The following TRARG1 variants were observed in gnomAD, a reference collection of about 807,000 sequenced individuals.
TRARG1 encodes trafficking regulator of GLUT4 1.
In TRARG1, 16 loss-of-function variants were observed where a neutral mutation model predicts 13.3. The ratio of observed to expected loss-of-function variants is 1.20; its 90% confidence interval spans 0.81 to 1.83. The LOEUF (loss-of-function observed/expected upper bound fraction) is 1.83, where lower values mean the gene tolerates loss of function less well. Among genes scored for constraint, TRARG1 ranks in the 40% most tolerant of loss-of-function variants. The probability of loss-of-function intolerance (pLI) is 0.00; values close to 1 mark genes in which losing one functional copy is unlikely to be tolerated. For synonymous variants in TRARG1, 113 were observed against 106.2 expected (o/e 1.06, Z -0.39); for missense variants, 250 against 237.4 (o/e 1.05, Z -0.35).
chr17:1,296,690 T>C (rs1475562874), intron 2 of TRARG1, among the ~76,000 whole-genome samples: 1 of 152,050 alleles, frequency 6.6e-6, no homozygotes. Flanking sequence ...TTTGTATTTT[T>C]AGTAGAGATG....
intron 1 of TRARG1, among the ~76,000 whole-genome samples, chr17:1,281,986 G>GCACATGTGTACATATA (rs1442901485): frequency 4.8e-5 from 6 of 124,038 alleles, no homozygotes; most frequent in East Asian, 5.9e-4. Flanking sequence ...GTACATATAT[G>GCACATGTGTACATATA]TACATATATA....
At chr17:1,281,005 G>C (rs541253513) in intron 1 of TRARG1, among the ~76,000 whole-genome samples, 1 of 152,324 alleles carries the variant, frequency 6.6e-6, no homozygotes, top group African/African-American at 2.4e-5. Context: ...CCACAGCTAC[G>C]CTGACTTCAG....
chr17:1,295,452 CTTCCCGG>C, intron 1 of TRARG1, 32 bp from the exon 2 acceptor site: 1 of 1,555,436 alleles, frequency 6.4e-7, no homozygotes, highest in Non-Finnish European at 8.7e-7. Flanking sequence ...GACCCACAGC[CTTCCCGG>C]TTCCCGGGGT....
At chr17:1,293,232 C>T (rs113689916) in intron 1 of TRARG1, among the ~76,000 whole-genome samples, 2,685 of 142,414 alleles carry the variant, frequency 0.019, 36 homozygotes, top group Middle Eastern at 0.06. Context: ...TGCAGTGAAC[C>T]GAGATTGCGC....
chr17:1,290,206 A>G (rs774721859), intron 1 of TRARG1, among the ~76,000 whole-genome samples: 1 of 152,212 alleles, frequency 6.6e-6, no homozygotes, highest in Non-Finnish European at 1.5e-5. Flanking sequence ...CCTAAAATGC[A>G]AATCTGATCC....
rs1254853558 is a variant in TRARG1, at chr17:1,295,562, C to T, written c.459C>T (p.Ser153=). ...RRLGRLARLL[S]ITLIIMGIVI... ...TGGGCCGCCTGGCTCGGCTGCTCAG[C>T]ATTACCCTCATCATCATGGGCATCG... The change falls in exon 2 of 3, where the codon AGC becomes AGT. Residue 153 remains serine, a synonymous_variant. Coordinates refer to ENST00000333813, the MANE Select transcript of TRARG1 (RefSeq NM_172367.3). The T allele has an allele frequency of 1.2e-6, 2 of 1,613,454 alleles. No homozygotes were observed. Among genetic ancestry groups the T allele is most frequent in the Non-Finnish European group, 1.7e-6 (2 of 1,179,862 alleles).
At position 1,280,103 on chromosome 17, in the gene TRARG1, G is replaced by C. The variant is rs75025906; in HGVS notation, c.102G>C (p.Glu34Asp). ...TGGAGATACTCCTCACCAAGGCAGAGAACAAGGATGACAAGACCCTGAATC... is the reference window on the plus strand; with the variant it reads ...TGGAGATACTCCTCACCAAGGCAGACAACAAGGATGACAAGACCCTGAATC... ...PEMEILLTKA[E>D]NKDDKTLNLS... is the part of the protein sequence containing the mutation. The change falls in exon 1 of 3, where the codon GAG becomes GAC. Residue 34 changes from glutamate to aspartate, a missense_variant. Transcript: ENST00000333813. The C allele has an allele frequency of 7.2e-4, 1,162 of 1,613,758 alleles. 24 individuals are homozygous for C. The East Asian group carries it at 0.023, about 32-fold the overall frequency.
chr17:1,281,955 C>CATAT (rs2071975726), intron 1 of TRARG1, among the ~76,000 whole-genome samples: 1 of 151,472 alleles, frequency 6.6e-6, no homozygotes, highest in African/African-American at 2.4e-5. Flanking sequence ...TATGCACATA[C>CATAT]ATGTACATAT....
intron 1 of TRARG1, among the ~76,000 whole-genome samples, chr17:1,287,869 T>A (rs903785272): frequency 1.3e-5 from 2 of 151,648 alleles, no homozygotes; most frequent in African/African-American, 2.4e-5. Context: ...GTCAGGCTGG[T>A]CTTGAACTCT....
At chr17:1,282,067 CACATATATACATATATGT>C (rs2071979725) in intron 1 of TRARG1, among the ~76,000 whole-genome samples, 1 of 149,916 alleles carries the variant, frequency 6.7e-6, no homozygotes, top group Non-Finnish European at 1.5e-5. Flanking sequence ...TACATGTATA[CACATATATACATATATGT>C]ACATATATAC....
chr17:1,293,719 G>A (rs991293224), intron 1 of TRARG1, among the ~76,000 whole-genome samples: 10 of 151,878 alleles, frequency 6.6e-5, no homozygotes, highest in African/African-American at 1.5e-4. Flanking sequence ...GATGTCACAG[G>A]TTGAATTTGA....
At chr17:1,288,283 C>T (rs988045372) in intron 1 of TRARG1, among the ~76,000 whole-genome samples, 5 of 130,078 alleles carry the variant, frequency 3.8e-5, no homozygotes, top group African/African-American at 5.7e-5. Context: ...AGCTTCTCAT[C>T]CCCCACCGGG....
At chr17:1,286,411 T>TTGTTATCAGCCTGTGGGGTGA (rs2072022245) in intron 1 of TRARG1, among the ~76,000 whole-genome samples, 1 of 95,084 alleles carries the variant, frequency 1.1e-5, no homozygotes, top group Non-Finnish European at 2.0e-5. Context: ...GGCCTGCGGG[T>TTGTTATCAGCCTGTGGGGTGA]TGTTATCAGC....
chr17:1,286,343 TGGCCTGTGGGGTGTTGCTGTC>T (rs1224207042), intron 1 of TRARG1, among the ~76,000 whole-genome samples: 3 of 151,686 alleles, frequency 2.0e-5, no homozygotes, highest in Admixed American at 2.0e-4. Context: ...GGGGTGTTGT[TGGCCTGTGGGGTGTTGCTGTC>T]GGCCTGTGAG....
chr17:1,287,859 G>A (rs562419270), intron 1 of TRARG1, among the ~76,000 whole-genome samples: 1 of 151,758 alleles, frequency 6.6e-6, no homozygotes, highest in African/African-American at 2.4e-5. Flanking sequence ...CACCATGTTG[G>A]TCAGGCTGGT....
Position 1,282,271 on chromosome 17 carries a change from T to C in TRARG1, c.387+1883T>C, listed in dbSNP as rs1006488947. Among the ~76,000 whole-genome samples the C allele has an allele frequency of 1.1e-3, 162 of 145,618 alleles. 7 individuals are homozygous for C. In the East Asian group the frequency reaches 0.019, roughly 17 times the overall value. On this transcript the variant is annotated intron_variant, in intron 1 of 2. Transcript: ENST00000333813. ...GTATATGTACGTATATGTACATATA[T>C]GCACGTATATGTACATATATGTACG...
chr17:1,282,784 G>A (rs2071993126), intron 1 of TRARG1, among the ~76,000 whole-genome samples: 1 of 152,030 alleles, frequency 6.6e-6, no homozygotes, highest in Non-Finnish European at 1.5e-5. Flanking sequence ...CCGTCTCCCA[G>A]GTTCATGCAA....
At chr17:1,282,049 CACAT>C (rs1218182296) in intron 1 of TRARG1, among the ~76,000 whole-genome samples, 11 of 139,304 alleles carry the variant, frequency 7.9e-5, no homozygotes, top group South Asian at 2.3e-4. Flanking sequence ...CACATATGTA[CACAT>C]ATGTACATGT....
chr17:1,295,569 C>G lies in TRARG1; in HGVS notation c.466C>G (p.Leu156Val), dbSNP rs1235262932. ...GRLARLLSITLIIMGIVIIMV... is the reference protein window; with the variant it reads ...GRLARLLSITVIIMGIVIIMV... ...CCTGGCTCGGCTGCTCAGCATTACCCTCATCATCATGGGCATCGTCATTAT... is the reference window on the plus strand; with the variant it reads ...CCTGGCTCGGCTGCTCAGCATTACCGTCATCATCATGGGCATCGTCATTAT... Residue 156 changes from leucine to valine, a missense_variant, in exon 2 of 3, where the codon CTC becomes GTC. Physicochemically the swap from Leu to Val is conservative, Grantham distance 32. Transcript: ENST00000333813. 1 of 1,613,352 alleles carries G rather than the reference C, an allele frequency of 6.2e-7. No homozygotes were observed. The highest frequency in any genetic ancestry group is 2.2e-5 in the East Asian group (1 of 44,850).
Sources: allele counts gnomAD v4.1 joint callset (sites outside exome capture counted in the v4.1 genomes callset), GRCh38; gene constraint gnomAD v4.1.1; transcripts MANE v1.5; gene names NCBI Gene and HGNC (gene_info 2026-07-23, HGNC 2026-07-21).